Variants in CLDN1 observed in about 807,000 individuals in gnomAD.
CLDN1 encodes the protein claudin 1.
In CLDN1, 12 loss-of-function variants were observed where a neutral mutation model predicts 22.6. The ratio of observed to expected loss-of-function variants is 0.53; its 90% CI spans 0.34 to 0.86. The LOEUF (loss-of-function observed/expected upper bound fraction) is 0.86. Among genes scored for constraint, CLDN1 ranks in the 40% least tolerant of loss-of-function variants. CLDN1 has a pLI of 0.02. For missense variants in CLDN1, 250 were observed against 269.5 expected, an observed-to-expected ratio of 0.93 and a Z score of 0.51; for synonymous variants, 99 against 103.8, an observed-to-expected ratio of 0.95 and a Z score of 0.28.
intron 1 of CLDN1, among the ~76,000 whole-genome samples, chr3:190,318,677 A>T (rs1716834126): frequency 6.6e-6 from 1 of 152,222 alleles, no homozygotes; most frequent in Non-Finnish European, 1.5e-5. Context: ...CCATTATTCT[A>T]AGAGTCAGAA....
At chr3:190,311,921 C>T (rs940210537) in intron 2 of CLDN1, among the ~76,000 whole-genome samples, 4 of 150,954 alleles carry the variant, frequency 2.6e-5, no homozygotes, top group African/African-American at 7.3e-5. Context: ...TCAATCAACA[C>T]TTGAATTAAA....
chr3:190,309,849 C>T (rs1245603724), intron 3 of CLDN1, among the ~76,000 whole-genome samples: 1 of 152,092 alleles, frequency 6.6e-6, no homozygotes, highest in Non-Finnish European at 1.5e-5. Flanking sequence ...TCAGAATACA[C>T]TTCAAAAAGG....
In CLDN1 at chr3:190,308,222, T is replaced by C; in HGVS notation, c.*55A>G. On this transcript the variant is annotated 3_prime_UTR_variant, in exon 4 of 4. Transcript: ENST00000295522. Reference sequence around the variant, plus strand: ...TAAGGTCCTAATGTTAATGATAGTATCTCAATGTCCATTTTCGGTTTGTTT... The same window carrying C: ...TAAGGTCCTAATGTTAATGATAGTACCTCAATGTCCATTTTCGGTTTGTTT... 3 of 1,594,716 alleles carry C rather than the reference T, an allele frequency of 1.9e-6. No homozygotes were observed. Among genetic ancestry groups the C allele is most frequent in the Non-Finnish European group, 2.6e-6 (3 of 1,163,186 alleles).
chr3:190,310,539 A>T (rs1335251195), intron 2 of CLDN1, among the ~76,000 whole-genome samples: 1 of 152,238 alleles, frequency 6.6e-6, no homozygotes, highest in Admixed American at 6.5e-5. Context: ...TATGTTGTAC[A>T]AAATCTCTTT....
chr3:190,308,425 T>G lies in CLDN1; in HGVS notation c.488A>C (p.Gln163Pro). The change falls in exon 4 of 4, where the codon CAG becomes CCG. Residue 163 changes from glutamine to proline, a missense_variant. By Grantham distance (76) the Gln-to-Pro change is moderately conservative. Coordinates refer to ENST00000295522, the MANE Select transcript of CLDN1 (RefSeq NM_021101.5). ...AGCAGCCCAGCCAGTGAAGAGAGCC[T>G]GACCAAATTCGTACCTAAAAGGAAA... ...TPVNARYEFG[Q>P]ALFTGWAAAS... The G allele has an allele frequency of 6.2e-7, 1 of 1,613,658 alleles. No individual in the cohort carries two copies. The highest frequency in any genetic ancestry group is 8.5e-7 in the Non-Finnish European group (1 of 1,179,722).
At position 190,322,165 on chromosome 3, in the gene CLDN1, G is replaced by A; in HGVS notation, c.42C>T (p.Ala14=). The change falls in exon 1 of 4, where the codon GCC becomes GCT. Residue 14 remains alanine (A), a synonymous_variant. Coordinates refer to ENST00000295522, the MANE Select transcript of CLDN1 (RefSeq NM_021101.5). ...AGLQLLGFIL[A]FLGWIGAIVS... ...CGATGGCGCCGATCCATCCCAGGAA[G>A]GCGAGAATGAAGCCCAACAGCTGCA... 9 of 1,614,178 alleles carry A rather than the reference G, an allele frequency of 5.6e-6. No individual in the cohort carries two copies. The highest frequency in any genetic ancestry group is 7.6e-6 in the Non-Finnish European group (9 of 1,180,048).
At chr3:190,312,240 C>T (rs1577388687) in intron 2 of CLDN1, among the ~76,000 whole-genome samples, 3 of 151,918 alleles carry the variant, frequency 2.0e-5, no homozygotes, top group East Asian at 1.9e-4. Context: ...CTAAAAAACA[C>T]GTATTTATTT....
intron 2 of CLDN1, among the ~76,000 whole-genome samples, 191 bp downstream of exon 2, chr3:190,312,681 T>G (rs139811189): frequency 2.0e-5 from 3 of 152,334 alleles, no homozygotes; most frequent in African/African-American, 7.2e-5. Context: ...AATAGACCTG[T>G]CAGATGTGAG....
At chr3:190,309,131 T>A (rs1370541314) in intron 3 of CLDN1, among the ~76,000 whole-genome samples, 1 of 152,184 alleles carries the variant, frequency 6.6e-6, no homozygotes, top group Non-Finnish European at 1.5e-5. Flanking sequence ...CAACTTCACC[T>A]CTCAGCCTCA....
chr3:190,319,356 C>T (rs554915024), intron 1 of CLDN1, among the ~76,000 whole-genome samples: 18 of 152,112 alleles, frequency 1.2e-4, no homozygotes, highest in Non-Finnish European at 1.9e-4. Flanking sequence ...TTGTATCAGC[C>T]ATTATAAAAC....
In CLDN1 at chr3:190,322,281, G is replaced by A; in HGVS notation, c.-75C>T. On this transcript the variant is annotated 5_prime_UTR_variant, in exon 1 of 4. Coordinates refer to ENST00000295522, the MANE Select transcript of CLDN1 (RefSeq NM_021101.5). The stretch of plus-strand genomic sequence containing the variant: ...GGAGAGTTTGCAGGTGGGCAACCCG[G>A]ACTCCCGAAGGTGGCTGGGCCCCGC... 1 of 1,328,236 alleles carries A rather than the reference G, an allele frequency of 7.5e-7. No individual in the cohort carries two copies. Among genetic ancestry groups the A allele is most frequent in the Non-Finnish European group, 1.1e-6 (1 of 937,098 alleles). The allele number at this position is 1,328,236 out of a possible 1,614,324, so 82.3% of individuals were successfully genotyped here.
intron 1 of CLDN1, among the ~76,000 whole-genome samples, chr3:190,313,860 T>G (rs1036194636): frequency 6.6e-6 from 1 of 152,208 alleles, no homozygotes. Flanking sequence ...GTTTGAGACA[T>G]TATCACTATG....
rs1314051738 is a variant in CLDN1, at chr3:190,305,806, G to C, written c.*2471C>G. 1 of 152,112 alleles carries C rather than the reference G, an allele frequency of 6.6e-6. No individual in the cohort carries two copies. Among genetic ancestry groups the C allele is most frequent in the Non-Finnish European group, 1.5e-5 (1 of 68,022 alleles). 9.4% of individuals were successfully genotyped at this position (152,112 alleles called of 1,614,324 possible). On this transcript the variant is annotated 3_prime_UTR_variant, in exon 4 of 4. Transcript: ENST00000295522. ...TGTCTATTGGTCTGTTTCCAGGTGT[G>C]GTAGAAGAATATAAAAAGATCAAAA...
In CLDN1 at chr3:190,322,367, G is replaced by A; in HGVS notation, c.-161C>T. On this transcript the variant is annotated 5_prime_UTR_variant, in exon 1 of 4. Coordinates refer to ENST00000295522, the MANE Select transcript of CLDN1 (RefSeq NM_021101.5). ...CCGCCGCTGGAGAAGCTCTGGGTCG[G>A]GGTTGGGGTCCGCGCCCGGGGCGGC... is the stretch of plus-strand genomic sequence containing the variant. 7.1e-6 allele frequency: 5 copies of A among 700,488 alleles called. No homozygotes were observed. Among genetic ancestry groups the A allele is most frequent in the Admixed American group, 2.3e-5 (1 of 44,176 alleles). The allele number at this position is 700,488 out of a possible 1,614,324, so 43.4% of individuals were successfully genotyped here.
chr3:190,315,247 T>C (rs1379246978), intron 1 of CLDN1, among the ~76,000 whole-genome samples: 1 of 152,200 alleles, frequency 6.6e-6, no homozygotes, highest in Admixed American at 6.5e-5. Flanking sequence ...ATGATCCATG[T>C]CTGGAGGATA....
chr3:190,313,075 G>C (rs781703951), intron 1 of CLDN1, 39 bp from the exon 2 acceptor site: 1 of 1,611,846 alleles, frequency 6.2e-7, no homozygotes, highest in Non-Finnish European at 8.5e-7. Context: ...AAATATGCTT[G>C]GACCAACAAG....
rs1560072729 is a variant in CLDN1 at position 190,307,779 on chromosome 3, A to T, written c.*498T>A. 1 of 153,206 alleles carries T rather than the reference A, an allele frequency of 6.5e-6. No homozygotes were observed. The highest frequency in any genetic ancestry group is 2.4e-5 in the African/African-American group (1 of 41,462). 9.5% of individuals were successfully genotyped at this position (153,206 alleles called of 1,614,324 possible). A position where few individuals can be genotyped will look rare whatever the true frequency, so the allele number is the denominator to read the frequency against. ...CTAGGTCTTGTGGCAAAGGCACCCAAAGCTAATGAAGAAGAGTAAATGATA... is the reference window on the plus strand; with the variant it reads ...CTAGGTCTTGTGGCAAAGGCACCCATAGCTAATGAAGAAGAGTAAATGATA... On this transcript the variant is annotated 3_prime_UTR_variant, in exon 4 of 4. Coordinates refer to ENST00000295522, the MANE Select transcript of CLDN1 (RefSeq NM_021101.5).
chr3:190,315,509 G>T (rs1393245937), intron 1 of CLDN1, among the ~76,000 whole-genome samples: 2 of 152,146 alleles, frequency 1.3e-5, no homozygotes, highest in East Asian at 3.9e-4. Context: ...ATTATCTTGA[G>T]AAAGGGGCGA....
chr3:190,315,248 C>T (rs1323913640), intron 1 of CLDN1, among the ~76,000 whole-genome samples: 1 of 152,156 alleles, frequency 6.6e-6, no homozygotes, highest in African/African-American at 2.4e-5. Context: ...TGATCCATGT[C>T]TGGAGGATAG....
Sources: allele counts gnomAD v4.1 joint callset (sites outside exome capture counted in the v4.1 genomes callset), GRCh38; gene constraint gnomAD v4.1.1; transcripts MANE v1.5; gene names NCBI Gene and HGNC (gene_info 2026-07-23, HGNC 2026-07-21).